VRK2: variants seen among roughly 807,000 people sequenced by gnomAD.
The protein encoded by VRK2 is serine/threonine-protein kinase VRK2.
A neutral mutation model predicts 57.6 loss-of-function variants in VRK2; 60 were observed. That is an observed-to-expected ratio of 1.04 (90% confidence interval 0.85 to 1.29). The LOEUF is 1.29. Ranked by LOEUF, VRK2 falls within the 50% of genes most tolerant of loss-of-function variation. The pLI is 0.00. For missense variants in VRK2, 705 were observed against 588.1 expected (o/e 1.20, Z -2.06); for synonymous variants, 231 against 199.2 (o/e 1.16, Z -1.35).
At chr2:58,088,002 G>T (rs1671873363) in intron 5 of VRK2, among the ~76,000 whole-genome samples, 1 of 151,990 alleles carries the variant, frequency 6.6e-6, no homozygotes, top group African/African-American at 2.4e-5. Context: ...AAAATCAAGT[G>T]TGTACAATAA....
chr2:57,929,117 C>A (rs766816838), intron 1 of VRK2, among the ~76,000 whole-genome samples: 2 of 152,172 alleles, frequency 1.3e-5, no homozygotes, highest in African/African-American at 4.8e-5. Context: ...GCAAAGCCAG[C>A]CAAGCTTGTC....
chr2:58,158,324 T>C (rs542435747), intron 12 of VRK2, among the ~76,000 whole-genome samples: 20 of 152,342 alleles, frequency 1.3e-4, no homozygotes, highest in East Asian at 5.8e-4. Context: ...TAGTTTAAAA[T>C]GAGTTATTTA....
chr2:58,024,615 G>C (rs1292278812), intron 1 of VRK2, among the ~76,000 whole-genome samples: 1 of 152,086 alleles, frequency 6.6e-6, no homozygotes, highest in Non-Finnish European at 1.5e-5. Flanking sequence ...TCCTAAAATT[G>C]GGCCTATCCA....
chr2:58,091,853 C>A (rs1672431308), intron 7 of VRK2, among the ~76,000 whole-genome samples: 2 of 151,948 alleles, frequency 1.3e-5, no homozygotes, highest in African/African-American at 4.8e-5. Flanking sequence ...AGCGAGGCAC[C>A]CTTTTTAAAG....
At chr2:57,998,695 T>C (rs985715683) in intron 1 of VRK2, among the ~76,000 whole-genome samples, 3 of 152,228 alleles carry the variant, frequency 2.0e-5, no homozygotes, top group Non-Finnish European at 2.9e-5. Flanking sequence ...ACCCTTTCTG[T>C]TCTTCAGATC....
At chr2:58,072,375 C>T (rs1669474252) in intron 2 of VRK2, among the ~76,000 whole-genome samples, 2 of 152,036 alleles carry the variant, frequency 1.3e-5, no homozygotes, top group Admixed American at 6.6e-5. Context: ...TCTAGTTTCT[C>T]AGCAGTAAGT....
chr2:57,927,175 T>A (rs936743277), intron 1 of VRK2, among the ~76,000 whole-genome samples: 11 of 152,052 alleles, frequency 7.2e-5, no homozygotes, highest in East Asian at 5.8e-4. Flanking sequence ...AAACTTCTTA[T>A]CCCCACTTTT....
At chr2:58,040,879 T>A (rs1347477222) in intron 3 of VRK2, among the ~76,000 whole-genome samples, 1 of 152,184 alleles carries the variant, frequency 6.6e-6, no homozygotes, top group African/African-American at 2.4e-5. Flanking sequence ...GAGGATGTTG[T>A]TGCAATTGCA....
At chr2:58,101,382 ATACTT>A (rs1390564647) in intron 7 of VRK2, among the ~76,000 whole-genome samples, 1 of 151,728 alleles carries the variant, frequency 6.6e-6, no homozygotes, top group Non-Finnish European at 1.5e-5. Context: ...TTTTACTTAA[ATACTT>A]TAGTATGTAT....
intron 2 of VRK2, among the ~76,000 whole-genome samples, chr2:58,050,702 C>G (rs999902699): frequency 1.3e-5 from 2 of 151,988 alleles, no homozygotes; most frequent in Non-Finnish European, 2.9e-5. Context: ...GTCTGTATAC[C>G]TGTATGTATC....
At chr2:58,000,459 T>G (rs1231259340) in intron 1 of VRK2, among the ~76,000 whole-genome samples, 1 of 152,236 alleles carries the variant, frequency 6.6e-6, no homozygotes, top group Non-Finnish European at 1.5e-5. Context: ...ATACTTCATT[T>G]TTTCTTCAGT....
intron 1 of VRK2, among the ~76,000 whole-genome samples, chr2:57,950,850 T>C (rs892511789): frequency 1.3e-5 from 2 of 152,124 alleles, no homozygotes; most frequent in African/African-American, 4.8e-5. Context: ...TCCCAGCACT[T>C]TGAGAGGCTG....
intron 1 of VRK2, among the ~76,000 whole-genome samples, chr2:57,926,614 CT>C (rs1434266070): frequency 6.6e-6 from 1 of 151,580 alleles, no homozygotes; most frequent in Non-Finnish European, 1.5e-5. Flanking sequence ...TTGTTGGCCT[CT>C]TTTTACAGTT....
At chr2:57,927,557 CT>C (rs1161277239) in intron 1 of VRK2, among the ~76,000 whole-genome samples, 1 of 152,074 alleles carries the variant, frequency 6.6e-6, no homozygotes, top group Non-Finnish European at 1.5e-5. Flanking sequence ...ATATTTTAGT[CT>C]TTCTACTCAG....
intron 1 of VRK2, among the ~76,000 whole-genome samples, chr2:57,950,420 C>T (rs1035949476): frequency 6.6e-6 from 1 of 152,178 alleles, no homozygotes; most frequent in Non-Finnish European, 1.5e-5. Context: ...TGCATCTGTG[C>T]TCTATAAATG....
chr2:58,087,174 T>G (rs1028473791), intron 5 of VRK2, among the ~76,000 whole-genome samples: 8 of 152,368 alleles, frequency 5.3e-5, no homozygotes, highest in African/African-American at 1.9e-4. Context: ...TTATCTTATT[T>G]TGTCCTTTGA....
intron 2 of VRK2, among the ~76,000 whole-genome samples, chr2:58,026,027 T>C (rs1295803573): frequency 1.3e-5 from 2 of 152,174 alleles, no homozygotes; most frequent in Non-Finnish European, 2.9e-5. Context: ...TAAAACTATG[T>C]GTTAATGAAA....
upstream of VRK2, among the ~76,000 whole-genome samples, chr2:58,041,719 T>C (rs1237602161): frequency 8.5e-5 from 13 of 152,208 alleles, no homozygotes; most frequent in Non-Finnish European, 1.9e-4. Flanking sequence ...GAATCTGGCA[T>C]CTTTTTAAGT....
rs375240102 is a variant in VRK2, at chr2:57,988,790, T to C, written c.-438-36875T>C. On this transcript the variant is annotated intron_variant, in intron 1 of 15. Coordinates refer to the VRK2 transcript ENST00000417641. ...TGAATTACCCCACCAATTTCCCGGT[T>C]CCCTGGTGTACAAACAGCATATTGC... 3.5e-4 allele frequency among the ~76,000 whole-genome samples: 53 copies of C among 152,296 alleles called. 1 individual carries two copies. The South Asian group carries it at 0.01, about 30-fold the overall frequency.
Sources: gnomAD v4.1 joint callset for allele counts (sites outside exome capture counted in the v4.1 genomes callset) on GRCh38, gnomAD v4.1.1 for gene constraint, MANE v1.5 for transcripts, NCBI Gene and HGNC (gene_info 2026-07-23, HGNC 2026-07-21) for gene names.